Variants in DACH2 observed in about 807,000 individuals in gnomAD.
DACH2 encodes dachshund homolog 2.
Under a neutral mutation model 35.8 loss-of-function variants are expected in DACH2, and 17 were observed. The ratio of observed to expected loss-of-function variants is 0.48; its 90% CI spans 0.33 to 0.71. The LOEUF (loss-of-function observed/expected upper bound fraction) is 0.71, where lower values mean the gene tolerates loss of function less well. Among genes scored for constraint, DACH2 ranks in the 30% least tolerant of loss-of-function variants. The pLI is 0.02. For synonymous variants in DACH2, 195 were observed against 177.3 expected (o/e 1.10, Z -0.79); for missense variants, 469 against 472.7 (o/e 0.99, Z 0.07).
intron 1 of DACH2, among the ~76,000 whole-genome samples, chrX:86,305,509 A>G (rs1292647935): frequency 8.9e-6 from 1 of 111,734 alleles, no homozygotes; most frequent in Admixed American, 9.5e-5. Context: ...GCTTCATGAT[A>G]TTGTTCAGGG....
intron 1 of DACH2, among the ~76,000 whole-genome samples, chrX:86,204,302 C>T (rs888181917): frequency 1.8e-5 from 2 of 111,971 alleles, no homozygotes; most frequent in Non-Finnish European, 3.8e-5. Flanking sequence ...GGTGGAAAGA[C>T]ATGTTTTAAA....
At chrX:86,741,074 T>C (rs1172929236) in intron 7 of DACH2, among the ~76,000 whole-genome samples, 5 of 111,781 alleles carry the variant, frequency 4.5e-5, no homozygotes, top group Non-Finnish European at 9.4e-5. Context: ...ATTTTTGCTA[T>C]TCCTTTACTC....
chrX:86,380,344 A>G (rs2036028044), intron 2 of DACH2, among the ~76,000 whole-genome samples: 1 of 110,438 alleles, frequency 9.1e-6, no homozygotes, highest in African/African-American at 3.3e-5. Context: ...TTCAAAGCTC[A>G]TATGCTTTGG....
In DACH2 at chrX:86,203,701, A is replaced by G. The variant is rs189141632; in HGVS notation, c.488+54593A>G. Among the ~76,000 whole-genome samples the G allele has an allele frequency of 1.1e-3, 120 of 111,687 alleles. 1 individual carries two copies. The highest frequency in any genetic ancestry group is 2.7e-3 in the Admixed American group (28 of 10,466). Reference sequence around the variant, plus strand: ...GGGTGAATCTGGAGGACATGCCCCCATCTTTTGATTTCAATTTTTGATTGA... The same window carrying G: ...GGGTGAATCTGGAGGACATGCCCCCGTCTTTTGATTTCAATTTTTGATTGA... On this transcript the variant is annotated intron_variant, in intron 1 of 11. Transcript: ENST00000373125.
Position 86,321,928 on chromosome X carries a change from G to A in DACH2, c.489-54896G>A, listed in dbSNP as rs191362609. Reference sequence around the variant, plus strand: ...GTGCCCCTTCCATCTGGCATTTCTTGTAGGAGTAGTATTGAAACTTGGACA... The same window carrying A: ...GTGCCCCTTCCATCTGGCATTTCTTATAGGAGTAGTATTGAAACTTGGACA... On this transcript the variant is annotated intron_variant, in intron 1 of 11. Transcript: ENST00000373125. 1.7e-4 allele frequency among the ~76,000 whole-genome samples: 19 copies of A among 111,507 alleles called. No homozygotes were observed. The East Asian group carries it at 2.3e-3, about 13-fold the overall frequency.
chrX:86,790,907 T>G (rs2042180926), intron 7 of DACH2, among the ~76,000 whole-genome samples: 1 of 111,822 alleles, frequency 8.9e-6, no homozygotes, highest in African/African-American at 3.2e-5. Context: ...ACTGGAAACT[T>G]TATTGATAAT....
chrX:86,316,274 G>A (rs2034904230), intron 1 of DACH2, among the ~76,000 whole-genome samples: 4 of 110,186 alleles, frequency 3.6e-5, no homozygotes, highest in African/African-American at 1.3e-4. Flanking sequence ...CCCTATCTTA[G>A]TGGGCCTAAG....
intron 4 of DACH2, among the ~76,000 whole-genome samples, chrX:86,664,886 G>A (rs1043073557): frequency 1.6e-4 from 18 of 111,583 alleles, no homozygotes; most frequent in South Asian, 3.8e-4. Flanking sequence ...CAAGTGCTTC[G>A]AAAGGCAAAA....
intron 3 of DACH2, among the ~76,000 whole-genome samples, chrX:86,580,804 A>G (rs1018622242): frequency 1.8e-5 from 2 of 112,239 alleles, no homozygotes; most frequent in African/African-American, 6.5e-5. Flanking sequence ...AGCAACGTGG[A>G]AAACATATTT....
rs775220150 is a variant in DACH2, at chrX:86,339,757, G to T, written c.489-37067G>T. On this transcript the variant is annotated intron_variant, in intron 1 of 11. Coordinates refer to ENST00000373125, the MANE Select transcript of DACH2 (RefSeq NM_053281.3). Reference sequence around the variant, plus strand: ...GGAAATCAGAAAATGGAAGGAAAAAGTCTGAAGATCTGCAATAGTTTTTAA... The same window carrying T: ...GGAAATCAGAAAATGGAAGGAAAAATTCTGAAGATCTGCAATAGTTTTTAA... Among the ~76,000 whole-genome samples, 9 of 111,980 alleles carry T rather than the reference G, an allele frequency of 8.0e-5. No individual in the cohort carries two copies. In the South Asian group the frequency reaches 3.3e-3, roughly 41 times the overall value.
At chrX:86,497,901 C>T (rs780497733) in intron 2 of DACH2, among the ~76,000 whole-genome samples, 7 of 110,807 alleles carry the variant, frequency 6.3e-5, no homozygotes, top group Admixed American at 9.6e-5. Flanking sequence ...GGCTGAGGCA[C>T]GAGAATTGCT....
chrX:86,698,514 G>GTTTTTTTTTTTTTTTTTTTTTTTTTTT (rs1345238527), intron 5 of DACH2, among the ~76,000 whole-genome samples: 3 of 34,343 alleles, frequency 8.7e-5, no homozygotes, highest in African/African-American at 1.2e-4. Context: ...TGTTTTGTTA[G>GTTTTTTTTTTTTTTTTTTTTTTTTTTT]TTTTGTGTTT....
At chrX:86,796,950 G>C (rs1030027806) in intron 7 of DACH2, among the ~76,000 whole-genome samples, 3 of 110,435 alleles carry the variant, frequency 2.7e-5, no homozygotes, top group Non-Finnish European at 5.7e-5. Context: ...TTATAAATAA[G>C]GCATAGTAAT....
At chrX:86,482,332 A>G (rs2037949739) in intron 2 of DACH2, among the ~76,000 whole-genome samples, 1 of 112,351 alleles carries the variant, frequency 8.9e-6, no homozygotes, top group Non-Finnish European at 1.9e-5. Context: ...ATACAAATAC[A>G]TAAAAATAAA....
chrX:86,313,842 A>G (rs948067822), intron 1 of DACH2, among the ~76,000 whole-genome samples: 1 of 111,640 alleles, frequency 9.0e-6, no homozygotes, highest in Non-Finnish European at 1.9e-5. Context: ...ACCCCACATT[A>G]AGCAATTATT....
intron 2 of DACH2, among the ~76,000 whole-genome samples, chrX:86,487,111 A>T (rs1434481587): frequency 9.0e-6 from 1 of 111,527 alleles, no homozygotes; most frequent in Non-Finnish European, 1.9e-5. Flanking sequence ...TAAAGTAGAG[A>T]TCAGTATGCC....
chrX:86,464,655 C>T (rs748762372), intron 2 of DACH2, among the ~76,000 whole-genome samples: 1,418 of 110,572 alleles, frequency 0.013, 19 homozygotes, highest in Non-Finnish European at 0.022. Flanking sequence ...CCTGCATGTT[C>T]TGCACATGTA....
At chrX:86,803,213 T>C (rs2042311508) in intron 7 of DACH2, among the ~76,000 whole-genome samples, 1 of 111,945 alleles carries the variant, frequency 8.9e-6, no homozygotes, top group Non-Finnish European at 1.9e-5. Flanking sequence ...TTATCTCTGA[T>C]ATAACAATAG....
At chrX:86,655,914 G>A (rs1326006261) in intron 4 of DACH2, among the ~76,000 whole-genome samples, 3 of 110,890 alleles carry the variant, frequency 2.7e-5, no homozygotes, top group African/African-American at 9.8e-5. Flanking sequence ...CAGAAAAAAA[G>A]TGCATAGCTT....
Sources: allele counts gnomAD v4.1 joint callset (sites outside exome capture counted in the v4.1 genomes callset), GRCh38; gene constraint gnomAD v4.1.1; transcripts MANE v1.5; gene names NCBI Gene and HGNC (gene_info 2026-07-23, HGNC 2026-07-21).